Variants in RBFOX1 observed in about 807,000 individuals in gnomAD.
RBFOX1 encodes the protein RNA binding protein fox-1 homolog 1.
Under a neutral mutation model 57.7 loss-of-function variants are expected in RBFOX1, and 8 were observed. The observed-to-expected ratio is 0.14, with a 90% confidence interval of 0.08 to 0.25. The LOEUF (loss-of-function observed/expected upper bound fraction) is 0.25. Among genes scored for constraint, RBFOX1 ranks in the 10% least tolerant of loss-of-function variants. The pLI is 1.00. For synonymous variants in RBFOX1, 326 were observed against 222.4 expected, an observed-to-expected ratio of 1.47 and a Z score of -4.15; for missense variants, 611 against 548.5, an observed-to-expected ratio of 1.11 and a Z score of -1.14.
At chr16:5,870,753 G>A (rs2057450367) in intron 4 of RBFOX1, among the ~76,000 whole-genome samples, 1 of 151,706 alleles carries the variant, frequency 6.6e-6, no homozygotes, top group South Asian at 2.1e-4. Flanking sequence ...CAAAACAAGC[G>A]ATCACCGTTA....
intron 3 of RBFOX1, among the ~76,000 whole-genome samples, chr16:5,865,663 A>G (rs2151894237): frequency 6.6e-6 from 1 of 152,288 alleles, no homozygotes; most frequent in South Asian, 2.1e-4. Context: ...TTCGTTCTTA[A>G]GTCCTTTGTT....
In RBFOX1 at chr16:7,012,897, C is replaced by T. The variant is rs190834290; in HGVS notation, c.-15-39160C>T. Among the ~76,000 whole-genome samples, 405 of 152,218 alleles carry T rather than the reference C, an allele frequency of 2.7e-3. 3 individuals are homozygous for T. Among genetic ancestry groups the T allele is most frequent in the African/African-American group, 9.1e-3 (376 of 41,542 alleles). The stretch of plus-strand genomic sequence containing the variant: ...CCCATAGCTGGGGAGGCTGGAAGTT[C>T]AAGATCAGGGTGCCAAGATGGTCAG... On this transcript the variant is annotated intron_variant, in intron 3 of 15. Coordinates refer to ENST00000550418, the MANE Select transcript of RBFOX1 (RefSeq NM_018723.4).
At chr16:6,023,380 T>C (rs1044408434) in intron 1 of RBFOX1, among the ~76,000 whole-genome samples, 4 of 152,142 alleles carry the variant, frequency 2.6e-5, no homozygotes, top group African/African-American at 9.7e-5. Flanking sequence ...TCCTTTTAGC[T>C]CGAACCATCC....
chr16:7,155,509 T>A (rs1037219992), intron 4 of RBFOX1, among the ~76,000 whole-genome samples: 2 of 151,266 alleles, frequency 1.3e-5, no homozygotes, highest in East Asian at 3.9e-4. Flanking sequence ...AATGGGAGGA[T>A]TGCTTGAGCT....
chr16:5,790,251 C>G (rs375271699), intron 3 of RBFOX1, among the ~76,000 whole-genome samples: 2 of 152,322 alleles, frequency 1.3e-5, no homozygotes, highest in African/African-American at 4.8e-5. Flanking sequence ...GCCTTGTGGC[C>G]TGTGAGCTGG....
intron 3 of RBFOX1, among the ~76,000 whole-genome samples, chr16:5,769,226 C>G (rs934127436): frequency 6.6e-6 from 1 of 152,058 alleles, no homozygotes; most frequent in Non-Finnish European, 1.5e-5. Context: ...CGGTGAAGTC[C>G]TAACCCCAGC....
At chr16:5,649,993 G>A (rs1034908890) in intron 3 of RBFOX1, among the ~76,000 whole-genome samples, 1 of 152,224 alleles carries the variant, frequency 6.6e-6, no homozygotes, top group Non-Finnish European at 1.5e-5. Context: ...AAGAGGCAGA[G>A]TCGATGTTTT....
chr16:6,926,161 G>T (rs1200673611), intron 3 of RBFOX1, among the ~76,000 whole-genome samples: 2 of 151,952 alleles, frequency 1.3e-5, no homozygotes, highest in Non-Finnish European at 2.9e-5. Flanking sequence ...CAAAAAACTA[G>T]CTGGGCATGG....
At chr16:5,950,432 G>C (rs1242337342) in intron 4 of RBFOX1, among the ~76,000 whole-genome samples, 1 of 152,124 alleles carries the variant, frequency 6.6e-6, no homozygotes, top group Non-Finnish European at 1.5e-5. Flanking sequence ...TTCCACATTG[G>C]TGGGTTTCAA....
chr16:7,619,746 C>T (rs1217625850), intron 10 of RBFOX1, among the ~76,000 whole-genome samples: 1 of 152,132 alleles, frequency 6.6e-6, no homozygotes, highest in Non-Finnish European at 1.5e-5. Flanking sequence ...CCACTGTTTT[C>T]AGTTGAATGA....
At chr16:5,583,166 G>A (rs1041666242) in intron 2 of RBFOX1, among the ~76,000 whole-genome samples, 1 of 152,312 alleles carries the variant, frequency 6.6e-6, no homozygotes, top group East Asian at 1.9e-4. Flanking sequence ...TACAGCCATA[G>A]AATGCCATGC....
chr16:6,981,562 T>C (rs1163576657), intron 3 of RBFOX1, among the ~76,000 whole-genome samples: 1 of 152,154 alleles, frequency 6.6e-6, no homozygotes, highest in East Asian at 1.9e-4. Flanking sequence ...GAAGATTAAA[T>C]TGACTGACAG....
intron 2 of RBFOX1, among the ~76,000 whole-genome samples, chr16:6,601,606 A>G (rs748147606): frequency 7.2e-5 from 11 of 152,282 alleles, no homozygotes; most frequent in Non-Finnish European, 1.3e-4. Flanking sequence ...CCTCCATCCT[A>G]TCCCCAGTCC....
At chr16:5,301,066 C>G (rs1428380934) in intron 1 of RBFOX1, among the ~76,000 whole-genome samples, 1 of 152,184 alleles carries the variant, frequency 6.6e-6, no homozygotes, top group East Asian at 1.9e-4. Flanking sequence ...CATGTGTGAA[C>G]TAAATCTAGT....
chr16:6,523,977 C>G (rs1263691076), intron 2 of RBFOX1, among the ~76,000 whole-genome samples: 2 of 152,156 alleles, frequency 1.3e-5, no homozygotes, highest in African/African-American at 2.4e-5. Context: ...GTCTTCATCC[C>G]TCATGCATTT....
chr16:5,941,855 G>T (rs58579649), intron 4 of RBFOX1, among the ~76,000 whole-genome samples: 3 of 151,898 alleles, frequency 2.0e-5, no homozygotes, highest in African/African-American at 7.3e-5. Flanking sequence ...TATGGATGAC[G>T]CAGTACATCC....
In RBFOX1 at chr16:7,410,713, G is replaced by C. The variant is rs112762432; in HGVS notation, c.28-107434G>C. On this transcript the variant is annotated intron_variant, in intron 4 of 15. Transcript: ENST00000550418. ...CAAAACAACAAAAAAACAAACTGAG[G>C]TCTCTTCTGTTAACCCCTATCCTCC... is the stretch of plus-strand genomic sequence containing the variant. 3.4e-3 allele frequency among the ~76,000 whole-genome samples: 514 copies of C among 151,978 alleles called. 2 individuals are homozygous for C. Among genetic ancestry groups the C allele is most frequent in the African/African-American group, 0.012 (495 of 41,442 alleles).
At chr16:6,904,413 C>G (rs2069246338) in intron 3 of RBFOX1, among the ~76,000 whole-genome samples, 1 of 151,566 alleles carries the variant, frequency 6.6e-6, no homozygotes, top group African/African-American at 2.4e-5. Flanking sequence ...CCAGTCTGGC[C>G]AACATGGTGA....
At chr16:5,541,874 CA>C (rs1382936505) in intron 2 of RBFOX1, among the ~76,000 whole-genome samples, 2 of 152,098 alleles carry the variant, frequency 1.3e-5, no homozygotes, top group Non-Finnish European at 2.9e-5. Context: ...CCGTTCAGAT[CA>C]GGGGCCTCTT....
Sources: gnomAD v4.1 joint callset for allele counts (sites outside exome capture counted in the v4.1 genomes callset) on GRCh38, gnomAD v4.1.1 for gene constraint, MANE v1.5 for transcripts, NCBI Gene and HGNC (gene_info 2026-07-23, HGNC 2026-07-21) for gene names.